The following PRKX variants were observed in gnomAD, a reference collection of about 807,000 sequenced individuals.
PRKX encodes the protein cAMP-dependent protein kinase catalytic subunit PRKX.
In PRKX, 12 loss-of-function variants were observed where a neutral mutation model predicts 22.0. The ratio of observed to expected loss-of-function variants is 0.54; its 90% CI spans 0.35 to 0.88. The LOEUF (loss-of-function observed/expected upper bound fraction) is 0.88. Ranked by LOEUF, PRKX falls within the 40% of genes least tolerant of loss-of-function variation. The probability of loss-of-function intolerance (pLI) is 0.01; values close to 1 mark genes in which losing one functional copy is unlikely to be tolerated. For missense variants in PRKX, 217 were observed against 308.0 expected (o/e 0.70, Z 2.21); for synonymous variants, 134 against 137.7 (o/e 0.97, Z 0.19).
intron 4 of PRKX, among the ~76,000 whole-genome samples, chrX:3,631,642 A>T (rs1300842566): frequency 8.9e-6 from 1 of 112,345 alleles, no homozygotes; most frequent in East Asian, 2.8e-4. Context: ...TTGAGATGAG[A>T]TCGTCCTGGA....
At chrX:3,641,028 C>T (rs1236930943) in intron 4 of PRKX, among the ~76,000 whole-genome samples, 1 of 111,600 alleles carries the variant, frequency 9.0e-6, no homozygotes, top group Non-Finnish European at 1.9e-5. Context: ...ACCACTTTCC[C>T]GGAAAACTCA....
intron 4 of PRKX, among the ~76,000 whole-genome samples, chrX:3,630,822 C>G (rs1415769712): frequency 4.5e-5 from 5 of 111,540 alleles, no homozygotes; most frequent in African/African-American, 1.6e-4. Context: ...CCACCTCTCA[C>G]CAGGTCCCAC....
intron 1 of PRKX, among the ~76,000 whole-genome samples, chrX:3,684,197 A>G (rs1439642075): frequency 2.6e-4 from 29 of 111,754 alleles, no homozygotes; most frequent in Non-Finnish European, 7.5e-5. Flanking sequence ...GGTTACAGTG[A>G]GCCAAGATTG....
At chrX:3,669,363 CATCA>C (rs975552808) in intron 2 of PRKX, among the ~76,000 whole-genome samples, 3 of 94,504 alleles carry the variant, frequency 3.2e-5, no homozygotes, top group Non-Finnish European at 6.5e-5. Context: ...TCCATCCATC[CATCA>C]ACTATCTGTC....
intron 2 of PRKX, among the ~76,000 whole-genome samples, chrX:3,662,666 G>A (rs1406943006): frequency 1.1e-5 from 1 of 87,027 alleles, no homozygotes; most frequent in Non-Finnish European, 2.2e-5. Flanking sequence ...CTGCACTCCA[G>A]CCTGGGGGAC....
At chrX:3,696,548 C>A (rs1203717546) in intron 1 of PRKX, among the ~76,000 whole-genome samples, 1 of 111,788 alleles carries the variant, frequency 8.9e-6, no homozygotes, top group Non-Finnish European at 1.9e-5. Context: ...TACTGCACTG[C>A]AAGTTAAAAA....
At position 3,629,785 on chromosome X, in the gene PRKX, C is replaced by T. The variant is rs79530291; in HGVS notation, c.720-3271G>A. On this transcript the variant is annotated intron_variant, in intron 4 of 8. Transcript: ENST00000262848. ...CCTCCCACCTCAGGCTCCCATGTAG[C>T]GGGGACCACAGGTGTGTGCCACCAT... 5.7e-3 allele frequency among the ~76,000 whole-genome samples: 638 copies of T among 111,661 alleles called. 13 individuals are homozygous for T. The highest frequency in any genetic ancestry group is 0.029 in the Admixed American group (303 of 10,523).
intron 1 of PRKX, among the ~76,000 whole-genome samples, chrX:3,687,722 G>T (rs1928205441): frequency 9.1e-6 from 1 of 110,355 alleles, no homozygotes; most frequent in Non-Finnish European, 1.9e-5. Context: ...ATGGGGGAGA[G>T]AAGGTGAGGG....
intron 1 of PRKX, among the ~76,000 whole-genome samples, chrX:3,711,403 C>G (rs1569067311): frequency 9.0e-6 from 1 of 111,690 alleles, no homozygotes; most frequent in Non-Finnish European, 1.9e-5. Context: ...GCTGGGCACC[C>G]TAAGCTGACT....
intron 1 of PRKX, 114 bp from the exon 2 acceptor site, chrX:3,674,880 T>A (rs1927919406): frequency 1.1e-6 from 1 of 879,351 alleles, no homozygotes; most frequent in East Asian, 3.1e-5. Flanking sequence ...AGACCCCAAG[T>A]GAAACTTTCA....
At chrX:3,671,089 T>G (rs1927837639) in intron 2 of PRKX, among the ~76,000 whole-genome samples, 1 of 111,015 alleles carries the variant, frequency 9.0e-6, no homozygotes, top group Admixed American at 9.7e-5. Flanking sequence ...CAGGCTGCAG[T>G]GCAGTGGCAC....
At chrX:3,698,753 G>A (rs942058446) in intron 1 of PRKX, among the ~76,000 whole-genome samples, 1 of 108,085 alleles carries the variant, frequency 9.3e-6, no homozygotes, top group Non-Finnish European at 1.9e-5. Flanking sequence ...CACACACCCG[G>A]CTAATTTTTG....
intron 2 of PRKX, among the ~76,000 whole-genome samples, chrX:3,663,059 C>T (rs972153567): frequency 1.9e-5 from 2 of 106,819 alleles, no homozygotes; most frequent in African/African-American, 6.8e-5. Context: ...AGGTTGGTCT[C>T]AAACTCCTGG....
intron 2 of PRKX, among the ~76,000 whole-genome samples, chrX:3,662,047 C>T (rs981693089): frequency 9.0e-6 from 1 of 111,729 alleles, no homozygotes; most frequent in African/African-American, 3.3e-5. Context: ...ACAAGGGCCC[C>T]TTATGTGCCA....
intron 1 of PRKX, among the ~76,000 whole-genome samples, chrX:3,704,139 G>T (rs1928635774): frequency 8.9e-6 from 1 of 112,006 alleles, no homozygotes; most frequent in Non-Finnish European, 1.9e-5. Flanking sequence ...GAAATGCAGC[G>T]TGAAAACGCT....
chrX:3,709,459 G>A (rs940100522), intron 1 of PRKX, among the ~76,000 whole-genome samples: 1 of 111,292 alleles, frequency 9.0e-6, no homozygotes, highest in African/African-American at 3.3e-5. Context: ...TCCCTCTGTA[G>A]ATGAGTAAAT....
In PRKX at chrX:3,626,461, G is replaced by C. The variant is rs1345395982; in HGVS notation, c.773C>G (p.Ala258Gly). Residue 258 changes from alanine to glycine, a missense_variant, in exon 5 of 9, where the codon GCA becomes GGA. Physicochemically the swap from Ala to Gly is moderately conservative, Grantham distance 60. Coordinates refer to ENST00000262848, the MANE Select transcript of PRKX (RefSeq NM_005044.5). ...NPFGIYQKIL[A>G]GKIDFPRHLD... ...ATGTCTGGGGAAATCTATTTTGCCT[G>C]CAAGAATTTTCTGATAAATGCCAAA... 3 of 1,209,297 alleles carry C rather than the reference G, an allele frequency of 2.5e-6. No individual in the cohort carries two copies. Among genetic ancestry groups the C allele is most frequent in the Admixed American group, 4.4e-5 (2 of 45,698 alleles).
chrX:3,703,107 C>T (rs73440579), intron 1 of PRKX, among the ~76,000 whole-genome samples: 2,366 of 111,156 alleles, frequency 0.021, 78 homozygotes, highest in African/African-American at 0.073. Context: ...CTCCTCTCTT[C>T]TCTTCTCTCC....
At chrX:3,693,629 C>T (rs764810690) in intron 1 of PRKX, among the ~76,000 whole-genome samples, 1 of 111,274 alleles carries the variant, frequency 9.0e-6, no homozygotes, top group South Asian at 3.8e-4. Flanking sequence ...CTGTGAATGG[C>T]GTCTTATTTG....
Sources: gnomAD v4.1 joint callset for allele counts (sites outside exome capture counted in the v4.1 genomes callset) on GRCh38, gnomAD v4.1.1 for gene constraint, MANE v1.5 for transcripts, NCBI Gene and HGNC (gene_info 2026-07-23, HGNC 2026-07-21) for gene names.